USP47: variants seen among roughly 807,000 people sequenced by gnomAD.
USP47 encodes ubiquitin specific peptidase 47, also known as ubiquitin carboxyl-terminal hydrolase 47.
In USP47, 35 loss-of-function variants were observed where a neutral mutation model predicts 165.1. That is an observed-to-expected ratio of 0.21 (90% CI 0.16 to 0.28). The LOEUF (loss-of-function observed/expected upper bound fraction) is 0.28, where lower values mean the gene tolerates loss of function less well. Ranked by LOEUF, USP47 falls within the 10% of genes least tolerant of loss-of-function variation. The pLI, the probability that USP47 is intolerant of heterozygous loss-of-function variation, is 1.00. For synonymous variants in USP47, 531 were observed against 544.5 expected (o/e 0.98, Z 0.35); for missense variants, 1,277 against 1,607.4 (o/e 0.79, Z 3.52).
At chr11:11,928,246 G>C (rs549016300) in intron 11 of USP47, among the ~76,000 whole-genome samples, 4 of 151,812 alleles carry the variant, frequency 2.6e-5, no homozygotes, top group African/African-American at 7.2e-5. Flanking sequence ...AATAACATGG[G>C]GTTACCACAT....
chr11:11,886,885 C>T (rs777229792), intron 3 of USP47, among the ~76,000 whole-genome samples: 4 of 152,112 alleles, frequency 2.6e-5, no homozygotes, highest in Non-Finnish European at 5.9e-5. Context: ...GTAGACCTCT[C>T]AGTGGAAACC....
chr11:11,909,400 G>T (rs1283881124), intron 8 of USP47, among the ~76,000 whole-genome samples: 1 of 152,100 alleles, frequency 6.6e-6, no homozygotes, highest in Non-Finnish European at 1.5e-5. Context: ...TAAATAAGGA[G>T]ATAGTTCTAA....
At chr11:11,892,486 A>G (rs574245437) in intron 4 of USP47, among the ~76,000 whole-genome samples, 11 of 149,130 alleles carry the variant, frequency 7.4e-5, no homozygotes, top group East Asian at 4.0e-4. Flanking sequence ...GACTCAATCA[A>G]TCCTCCCACC....
rs766144298 is a variant in USP47, at chr11:11,942,654, A to G, written c.2633A>G (p.Lys878Arg). Residue 878 changes from lysine (K) to arginine (R), a missense_variant, in exon 20 of 28, where the codon AAA becomes AGA. Lys to Arg is a conservative substitution (Grantham distance 26, BLOSUM62 2). Coordinates refer to ENST00000527733, the MANE Select transcript of USP47 (RefSeq NM_001282659.2). ...QQDGDNGDSS[K>R]STETSDFENI... ...GATGGAGATAATGGGGACAGCAGCA[A>G]AAGTACTGAGACAAGTGACTTTGAA... 12 of 1,613,444 alleles carry G rather than the reference A, an allele frequency of 7.4e-6. No homozygotes were observed. In the African/African-American group the frequency reaches 9.3e-5, roughly 13 times the overall value.
intron 17 of USP47, among the ~76,000 whole-genome samples, chr11:11,937,917 T>G (rs1855191333): frequency 6.6e-6 from 1 of 151,992 alleles, no homozygotes; most frequent in African/African-American, 2.4e-5. Flanking sequence ...GGATTAAATT[T>G]CAATATAAAA....
At chr11:11,955,902 T>C in intron 27 of USP47, 99 bp from the exon 28 acceptor site, 1 of 968,270 alleles carries the variant, frequency 1.0e-6, no homozygotes, top group Non-Finnish European at 1.5e-6. Flanking sequence ...CAGTAACAGA[T>C]TTCATTATCT....
intron 4 of USP47, among the ~76,000 whole-genome samples, chr11:11,896,501 C>T (rs924663758): frequency 6.6e-6 from 1 of 152,210 alleles, no homozygotes; most frequent in East Asian, 1.9e-4. Flanking sequence ...GTGGGAAAGG[C>T]TCTGTTTGTA....
intron 4 of USP47, among the ~76,000 whole-genome samples, chr11:11,894,857 TTACAG>T (rs1386865753): frequency 2.0e-5 from 3 of 152,172 alleles, no homozygotes; most frequent in Non-Finnish European, 4.4e-5. Flanking sequence ...TGAAAATAAT[TTACAG>T]TACTACTGGC....
chr11:11,955,916 T>C (rs1445771148), intron 27 of USP47, 85 bp from the exon 28 acceptor site: 2 of 1,072,942 alleles, frequency 1.9e-6, no homozygotes, highest in Non-Finnish European at 2.6e-6. Flanking sequence ...ATTATCTTGC[T>C]GAGGAGCATC....
chr11:11,937,266 G>C (rs1855137595), intron 17 of USP47, among the ~76,000 whole-genome samples: 1 of 151,882 alleles, frequency 6.6e-6, no homozygotes, highest in Admixed American at 6.6e-5. Flanking sequence ...AATCCATACT[G>C]TTTTGTCTTG....
chr11:11,866,214 T>C (rs1299260088), intron 1 of USP47, among the ~76,000 whole-genome samples: 1 of 152,182 alleles, frequency 6.6e-6, no homozygotes, highest in East Asian at 1.9e-4. Flanking sequence ...CTATCTCCTT[T>C]GTTAAAGAGA....
intron 1 of USP47, among the ~76,000 whole-genome samples, chr11:11,844,423 G>C (rs779568869): frequency 2.6e-5 from 4 of 152,156 alleles, no homozygotes; most frequent in Non-Finnish European, 4.4e-5. Context: ...CTAGAGCTAA[G>C]AGAAAGCATA....
Position 11,958,742 on chromosome 11 carries a change from GAAAC to G in USP47, c.*2571_*2574del, listed in dbSNP as rs1393484640. The G allele has an allele frequency of 2.0e-5, 3 of 152,400 alleles. No homozygotes were observed. The highest frequency in any genetic ancestry group is 1.3e-4 in the Admixed American group (2 of 15,306). The allele number at this position is 152,400 out of a possible 1,614,324, so 9.4% of individuals were successfully genotyped here. ...AGGTGAGGGGTGCATTCTGGCCAAA[GAAAC>G]AAAAGCTGTGGTTTCAGGACCATGC... On this transcript the variant is annotated 3_prime_UTR_variant, in exon 28 of 28. Transcript: ENST00000527733.
At chr11:11,948,447 G>A (rs1352423063) in intron 21 of USP47, 31 bp from the exon 22 acceptor site, 1 of 1,552,686 alleles carries the variant, frequency 6.4e-7, no homozygotes. Context: ...TGCTGAGACA[G>A]CATGTCTAAA....
chr11:11,864,754 T>G (rs905219179), intron 1 of USP47, among the ~76,000 whole-genome samples: 41 of 107,860 alleles, frequency 3.8e-4, no homozygotes, highest in Non-Finnish European at 6.8e-4. Context: ...TAGAATATAA[T>G]CTTATTTTTA....
intron 3 of USP47, among the ~76,000 whole-genome samples, chr11:11,890,615 A>T (rs1486309785): frequency 6.6e-6 from 1 of 152,210 alleles, no homozygotes; most frequent in Non-Finnish European, 1.5e-5. Context: ...TTCCTCAAAG[A>T]CTTAGAGGCA....
rs557614871 is a variant in USP47, at chr11:11,853,400, C to T, written c.39+11176C>T. Among the ~76,000 whole-genome samples, 4 of 152,316 alleles carry T rather than the reference C, an allele frequency of 2.6e-5. No individual in the cohort carries two copies. The East Asian group carries it at 7.7e-4, about 29-fold the overall frequency. ...CAGATTTTCAAATCTAACATACAGACATTCTCCATTGTGGAAAAGTATTTG... is the reference window on the plus strand; with the variant it reads ...CAGATTTTCAAATCTAACATACAGATATTCTCCATTGTGGAAAAGTATTTG... On this transcript the variant is annotated intron_variant, in intron 1 of 27. Coordinates refer to ENST00000527733, the MANE Select transcript of USP47 (RefSeq NM_001282659.2).
chr11:11,912,967 A>G (rs1247907271), intron 8 of USP47, among the ~76,000 whole-genome samples: 1 of 152,096 alleles, frequency 6.6e-6, no homozygotes, highest in Admixed American at 6.6e-5. Flanking sequence ...CACTTATAAT[A>G]ACTCAGATTA....
In USP47 at chr11:11,961,638, A is replaced by C. The variant is rs937896109; in HGVS notation, c.*5463A>C. 7.0e-4 allele frequency among the ~76,000 whole-genome samples: 106 copies of C among 152,360 alleles called. No individual in the cohort carries two copies. Among genetic ancestry groups the C allele is most frequent in the African/African-American group, 2.4e-3 (98 of 41,592 alleles). The stretch of plus-strand genomic sequence containing the variant: ...GAGCACCATACTCAAAGGCAGGGGA[A>C]GTGGATGGAGGGCAGGAGCTCCATT... On this transcript the variant is annotated 3_prime_UTR_variant, in exon 28 of 28. Coordinates refer to ENST00000527733, the MANE Select transcript of USP47 (RefSeq NM_001282659.2).
Sources: allele counts gnomAD v4.1 joint callset (sites outside exome capture counted in the v4.1 genomes callset), GRCh38; gene constraint gnomAD v4.1.1; transcripts MANE v1.5; gene names NCBI Gene and HGNC (gene_info 2026-07-23, HGNC 2026-07-21).